Variants in ME2 observed in about 807,000 individuals in gnomAD.
ME2 encodes the protein malic enzyme 2, also known as NAD-dependent malic enzyme, mitochondrial.
ME2 carries 60 observed loss-of-function variants against 73.7 expected under a neutral mutation model. The observed-to-expected ratio is 0.81, with a 90% CI of 0.66 to 1.01. The LOEUF (loss-of-function observed/expected upper bound fraction) is 1.01, where lower values mean the gene tolerates loss of function less well. ME2 is among the 50% of genes least tolerant of loss of function. ME2 has a pLI of 0.00. For missense variants in ME2, 594 were observed against 705.5 expected, an observed-to-expected ratio of 0.84 and a Z score of 1.79; for synonymous variants, 199 against 236.9, an observed-to-expected ratio of 0.84 and a Z score of 1.47.
intron 1 of ME2, among the ~76,000 whole-genome samples, chr18:50,895,308 T>G (rs566035065): frequency 2.2e-4 from 34 of 152,296 alleles, no homozygotes; most frequent in African/African-American, 6.5e-4. Context: ...AAATAACAGG[T>G]TTTCTAAGAC....
At chr18:50,886,655 C>G (rs1339893575) in intron 1 of ME2, among the ~76,000 whole-genome samples, 1 of 152,080 alleles carries the variant, frequency 6.6e-6, no homozygotes, top group Non-Finnish European at 1.5e-5. Context: ...GAGAATACTG[C>G]ATGGTGGTGA....
At position 50,948,655 on chromosome 18, in the gene ME2, T is replaced by C; in HGVS notation, c.*1471T>C. On this transcript the variant is annotated 3_prime_UTR_variant, in exon 16 of 16. Transcript: ENST00000321341. ...GCCTCCCAGGTTCAAGCAGTTCTCC[T>C]GCCTCAGCCTCCCAAGTAGCTGGGA... 1 of 151,014 alleles carries C rather than the reference T, an allele frequency of 6.6e-6. No individual in the cohort carries two copies. The highest frequency in any genetic ancestry group is 1.5e-5 in the Non-Finnish European group (1 of 67,880). The allele number at this position is 151,014 out of a possible 1,614,324, so 9.4% of individuals were successfully genotyped here. A position where few individuals can be genotyped will look rare whatever the true frequency, so the allele number is the denominator to read the frequency against.
intron 2 of ME2, among the ~76,000 whole-genome samples, chr18:50,905,898 A>T (rs943967815): frequency 4.6e-5 from 7 of 152,216 alleles, no homozygotes; most frequent in African/African-American, 1.4e-4. Flanking sequence ...CCCCCATGCC[A>T]TCATAACCTA....
At chr18:50,938,658 T>A (rs2665570) in intron 13 of ME2, among the ~76,000 whole-genome samples, 103,862 of 152,028 alleles carry the variant, frequency 0.68, 35,902 homozygotes, top group African/African-American at 0.79. Flanking sequence ...GGAAAAGTTG[T>A]ATTTGGGAAA....
chr18:50,913,223 CA>C (rs1355684165), intron 4 of ME2: 16 of 230,486 alleles, frequency 6.9e-5, no homozygotes, highest in Admixed American at 4.6e-4. Context: ...GCTCCCCCAC[CA>C]AAAAAAGTCT....
Position 50,949,586 on chromosome 18 carries a change from C to T in ME2, c.*2402C>T, listed in dbSNP as rs1421573511. 1 of 152,112 alleles carries T rather than the reference C, an allele frequency of 6.6e-6. No homozygotes were observed. Among genetic ancestry groups the T allele is most frequent in the South Asian group, 2.1e-4 (1 of 4,828 alleles). The allele number at this position is 152,112 out of a possible 1,614,324, so 9.4% of individuals were successfully genotyped here. ...GTGTGAAATCTTGATTTTAGTTCAACCTAAGAAATATAATAAATATAAACC... is the reference window on the plus strand; with the variant it reads ...GTGTGAAATCTTGATTTTAGTTCAATCTAAGAAATATAATAAATATAAACC... On this transcript the variant is annotated 3_prime_UTR_variant, in exon 16 of 16. Coordinates refer to ENST00000321341, the MANE Select transcript of ME2 (RefSeq NM_002396.5).
rs140690973 is a variant in ME2, at chr18:50,924,131, C to G, written c.1090C>G (p.Pro364Ala). Reference sequence around the variant, plus strand: ...AGCAAAAATAGATAGTTATCAGGAACCATTTACTCACTCAGCCCCAGAGAG... The same window carrying G: ...AGCAAAAATAGATAGTTATCAGGAAGCATTTACTCACTCAGCCCCAGAGAG... ...RKAKIDSYQEPFTHSAPESIP... is the reference protein window; with the variant it reads ...RKAKIDSYQEAFTHSAPESIP... Residue 364 changes from proline (P) to alanine (A), a missense_variant, in exon 11 of 16, where the codon CCA (proline) becomes GCA (alanine). Transcript: ENST00000321341. 2.7e-4 allele frequency: 443 copies of G among 1,612,790 alleles called. No individual in the cohort carries two copies. The African/African-American group carries it at 5.4e-3, about 20-fold the overall frequency.
intron 13 of ME2, among the ~76,000 whole-genome samples, chr18:50,936,139 T>C (rs1917815536): frequency 6.6e-6 from 1 of 152,098 alleles, no homozygotes; most frequent in Admixed American, 6.5e-5. Flanking sequence ...CAAAAAGATT[T>C]CCTTCAAAGA....
At chr18:50,946,153 C>T (rs1323346897) in intron 15 of ME2, among the ~76,000 whole-genome samples, 3 of 147,188 alleles carry the variant, frequency 2.0e-5, no homozygotes, top group East Asian at 4.0e-4. Context: ...ACCATGACTT[C>T]AGAACTTTAC....
chr18:50,916,349 C>CT, intron 5 of ME2, 106 bp downstream of exon 5: 1 of 838,404 alleles, frequency 1.2e-6, no homozygotes, highest in East Asian at 2.6e-5. Flanking sequence ...TTATTTTGCA[C>CT]TTATATACAT....
At chr18:50,940,483 G>C in intron 15 of ME2, 97 bp downstream of exon 15, 1 of 855,590 alleles carries the variant, frequency 1.2e-6, no homozygotes, top group South Asian at 1.8e-5. Flanking sequence ...CATTTAGAAG[G>C]CTGCAAAGAA....
chr18:50,921,123 G>A lies in ME2; in HGVS notation c.992G>A (p.Gly331Asp), dbSNP rs1917416249. ...NLIVMSMVEN[G>D]LSEQEAQKKI... ...ATAGTTATGTCTATGGTAGAAAATG[G>A]CCTGTCAGAACAAGAGGCACAAAAG... The change falls in exon 10 of 16, where the codon GGC becomes GAC. Residue 331 changes from glycine (G) to aspartate (D), a missense_variant. By Grantham distance (94) the Gly-to-Asp change is moderately conservative. Transcript: ENST00000321341. 1.2e-6 allele frequency: 2 copies of A among 1,603,424 alleles called. No individual in the cohort carries two copies. The highest frequency in any genetic ancestry group is 3.4e-5 in the Admixed American group (2 of 58,114).
rs1015062075 is a variant in ME2, at chr18:50,949,488, C to G, written c.*2304C>G. 1 of 152,190 alleles carries G rather than the reference C, an allele frequency of 6.6e-6. No individual in the cohort carries two copies. Among genetic ancestry groups the G allele is most frequent in the African/African-American group, 2.4e-5 (1 of 41,426 alleles). 9.4% of individuals were successfully genotyped at this position (152,190 alleles called of 1,614,324 possible). A position where few individuals can be genotyped will look rare whatever the true frequency, so the allele number is the denominator to read the frequency against. On this transcript the variant is annotated 3_prime_UTR_variant, in exon 16 of 16. Coordinates refer to ENST00000321341, the MANE Select transcript of ME2 (RefSeq NM_002396.5). ...AGCTTGGACTAAAGGTGTGCACCACCGCACCTGGCTGAGAGGCTTCTGTTT... is the reference window on the plus strand; with the variant it reads ...AGCTTGGACTAAAGGTGTGCACCACGGCACCTGGCTGAGAGGCTTCTGTTT...
At chr18:50,904,397 G>C (rs1463294945) in intron 2 of ME2, among the ~76,000 whole-genome samples, 1 of 151,056 alleles carries the variant, frequency 6.6e-6, no homozygotes, top group Non-Finnish European at 1.5e-5. Context: ...TCCTGCCTCA[G>C]CTTCCCAAGT....
chr18:50,908,210 A>G lies in ME2; in HGVS notation c.242+14A>G. On this transcript the variant is annotated intron_variant, in intron 3 of 15. Coordinates refer to ENST00000321341, the MANE Select transcript of ME2 (RefSeq NM_002396.5). ...CCCTTTGGAAAAGTAAGAGTTGCTT[A>G]GATGTTTCTTTTTTTATTGGTATTC... 1 of 1,558,908 alleles carries G rather than the reference A, an allele frequency of 6.4e-7. No individual in the cohort carries two copies. Among genetic ancestry groups the G allele is most frequent in the Non-Finnish European group, 8.6e-7 (1 of 1,156,538 alleles).
intron 1 of ME2, among the ~76,000 whole-genome samples, chr18:50,884,140 G>A (rs180712067): frequency 5.9e-5 from 9 of 151,368 alleles, no homozygotes; most frequent in Non-Finnish European, 1.2e-4. Flanking sequence ...TTTTAATTAT[G>A]CCTACTAAAG....
rs1268121311 is a variant in ME2 at position 50,895,832 on chromosome 18, G to A, written c.12G>A (p.Arg4=). Residue 4 remains arginine, a synonymous_variant, in exon 2 of 16, where the codon CGG becomes CGA. Coordinates refer to ENST00000321341, the MANE Select transcript of ME2 (RefSeq NM_002396.5). MLS[R]LRVVSTTCTL... ...AGGTGAAAGAAAAGATGTTGTCCCGGTTAAGAGTAGTTTCCACCACTTGTA... is the reference window on the plus strand; with the variant it reads ...AGGTGAAAGAAAAGATGTTGTCCCGATTAAGAGTAGTTTCCACCACTTGTA... The A allele has an allele frequency of 6.2e-7, 1 of 1,611,990 alleles. No individual in the cohort carries two copies. Among genetic ancestry groups the A allele is most frequent in the Non-Finnish European group, 8.5e-7 (1 of 1,179,384 alleles).
rs139918539 is a variant in ME2, at chr18:50,916,540, T to G, written c.468+297T>G. ...CTCCTTTTCTATTTCACTAATATTATTCTAGGTAAAGAAAATACATTAAAA... is the reference window on the plus strand; with the variant it reads ...CTCCTTTTCTATTTCACTAATATTAGTCTAGGTAAAGAAAATACATTAAAA... On this transcript the variant is annotated intron_variant, in intron 5 of 15. Coordinates refer to ENST00000321341, the MANE Select transcript of ME2 (RefSeq NM_002396.5). 579 of 218,238 alleles carry G rather than the reference T, an allele frequency of 2.7e-3. 3 individuals carry two copies. The highest frequency in any genetic ancestry group is 4.4e-3 in the Non-Finnish European group (490 of 112,072). The allele number at this position is 218,238 out of a possible 1,614,324, so 13.5% of individuals were successfully genotyped here.
At position 50,902,630 on chromosome 18, in the gene ME2, C is replaced by T. The variant is rs143601367; in HGVS notation, c.109-5433C>T. Among the ~76,000 whole-genome samples the T allele has an allele frequency of 4.7e-3, 723 of 152,312 alleles. 6 individuals carry two copies. Among genetic ancestry groups the T allele is most frequent in the African/African-American group, 0.017 (701 of 41,570 alleles). On this transcript the variant is annotated intron_variant, in intron 2 of 15. Transcript: ENST00000321341. ...CAGGCTGATCTCGAACTCCTGACCT[C>T]AGGTGATCCACTCGCCTCAGCCTCC...
Sources: allele counts gnomAD v4.1 joint callset (sites outside exome capture counted in the v4.1 genomes callset), GRCh38; gene constraint gnomAD v4.1.1; transcripts MANE v1.5; gene names NCBI Gene and HGNC (gene_info 2026-07-23, HGNC 2026-07-21).